SLC9B1: variants seen among roughly 807,000 people sequenced by gnomAD.
SLC9B1 encodes solute carrier family 9 member B1.
A neutral mutation model predicts 51.7 loss-of-function variants in SLC9B1; 32 were observed. The observed-to-expected ratio is 0.62, with a 90% CI of 0.47 to 0.83. SLC9B1 has a LOEUF of 0.83. Ranked by LOEUF, SLC9B1 falls within the 40% of genes least tolerant of loss-of-function variation. The pLI, the probability that SLC9B1 is intolerant of heterozygous loss-of-function variation, is 0.00. For missense variants in SLC9B1, 406 were observed against 613.2 expected, an observed-to-expected ratio of 0.66 and a Z score of 3.57; for synonymous variants, 145 against 212.7, an observed-to-expected ratio of 0.68 and a Z score of 2.77.
At chr4:102,998,723 C>T (rs1740358039) in intron 1 of SLC9B1, among the ~76,000 whole-genome samples, 1 of 152,010 alleles carries the variant, frequency 6.6e-6, no homozygotes, top group African/African-American at 2.4e-5. Flanking sequence ...TAATAGCCAT[C>T]CCAATAGGTG....
At chr4:102,894,117 G>A (rs186295044) in intron 11 of SLC9B1, among the ~76,000 whole-genome samples, 23 of 152,254 alleles carry the variant, frequency 1.5e-4, no homozygotes, top group Non-Finnish European at 3.1e-4. Context: ...AGAGAAAAAT[G>A]TGATTATATC....
chr4:102,997,929 T>C (rs568963043), intron 1 of SLC9B1, among the ~76,000 whole-genome samples: 77 of 152,350 alleles, frequency 5.1e-4, no homozygotes, highest in African/African-American at 1.8e-3. Context: ...ATTCTTGCTA[T>C]GATTCCTTTG....
intron 11 of SLC9B1, among the ~76,000 whole-genome samples, chr4:102,901,576 T>C (rs1182597946): frequency 6.6e-6 from 1 of 152,250 alleles, no homozygotes; most frequent in Non-Finnish European, 1.5e-5. Context: ...ACTCTTGTCC[T>C]CTCAGTGTTC....
chr4:102,972,717 A>C (rs896488104), intron 3 of SLC9B1, among the ~76,000 whole-genome samples: 1 of 152,146 alleles, frequency 6.6e-6, no homozygotes, highest in African/African-American at 2.4e-5. Context: ...CAACTCTATA[A>C]ATTTACCAAA....
intron 3 of SLC9B1, chr4:102,962,580 T>C (rs1738195467): frequency 6.3e-6 from 3 of 475,024 alleles, no homozygotes; most frequent in East Asian, 6.8e-5. Context: ...TTAATGAGTA[T>C]AGTCATTGAC....
intron 7 of SLC9B1, among the ~76,000 whole-genome samples, chr4:102,920,017 G>A (rs987437361): frequency 3.9e-5 from 6 of 152,336 alleles, no homozygotes; most frequent in South Asian, 2.1e-4. Context: ...AAACTTAAAC[G>A]TCCCTGTCTG....
At chr4:103,019,431 A>G (rs1741622772) in intron 1 of SLC9B1, among the ~76,000 whole-genome samples, 168 bp downstream of exon 1, 1 of 152,226 alleles carries the variant, frequency 6.6e-6, no homozygotes, top group Admixed American at 6.5e-5. Flanking sequence ...GAGGAGAGAC[A>G]ATGTCTGTGG....
intron 7 of SLC9B1, among the ~76,000 whole-genome samples, chr4:102,928,513 C>T (rs1736299840): frequency 6.6e-6 from 1 of 152,178 alleles, no homozygotes; most frequent in Admixed American, 6.5e-5. Flanking sequence ...TCTTCTGAGT[C>T]CTCCCAACTG....
chr4:103,016,482 C>A (rs1345385023), intron 1 of SLC9B1, among the ~76,000 whole-genome samples: 1 of 152,164 alleles, frequency 6.6e-6, no homozygotes, highest in Non-Finnish European at 1.5e-5. Context: ...TTTCTTGACA[C>A]CACATTTTCT....
chr4:103,014,299 A>G (rs1229950951), intron 1 of SLC9B1, among the ~76,000 whole-genome samples: 1 of 152,192 alleles, frequency 6.6e-6, no homozygotes, highest in Non-Finnish European at 1.5e-5. Flanking sequence ...TTTAGAAGTC[A>G]TTTCTTCCAG....
At chr4:102,916,164 A>T (rs1450146132) in intron 7 of SLC9B1, among the ~76,000 whole-genome samples, 1 of 152,220 alleles carries the variant, frequency 6.6e-6, no homozygotes, top group African/African-American at 2.4e-5. Flanking sequence ...AAATGGATTT[A>T]AAAAAATCTA....
chr4:102,943,162 AAAAT>A (rs1402275652), intron 6 of SLC9B1, among the ~76,000 whole-genome samples: 1 of 117,372 alleles, frequency 8.5e-6, no homozygotes, highest in African/African-American at 3.1e-5. Flanking sequence ...CATAATCAAA[AAAAT>A]AAAAAAAAAA....
intron 10 of SLC9B1, among the ~76,000 whole-genome samples, chr4:102,906,063 G>A (rs1470369692): frequency 6.6e-6 from 1 of 152,086 alleles, no homozygotes; most frequent in Non-Finnish European, 1.5e-5. Flanking sequence ...AGCCTCCCGA[G>A]TAGCTGGGAT....
At chr4:102,997,529 T>C (rs1411512393) in intron 1 of SLC9B1, among the ~76,000 whole-genome samples, 1 of 152,216 alleles carries the variant, frequency 6.6e-6, no homozygotes, top group African/African-American at 2.4e-5. Flanking sequence ...GTATCAGGCC[T>C]TGATAAATTC....
intron 1 of SLC9B1, among the ~76,000 whole-genome samples, chr4:103,002,934 T>C (rs1275682098): frequency 6.6e-6 from 1 of 152,252 alleles, no homozygotes; most frequent in African/African-American, 2.4e-5. Flanking sequence ...AGCAGTTTAT[T>C]CACTAACATT....
chr4:103,012,504 T>C (rs1560532168), intron 1 of SLC9B1, among the ~76,000 whole-genome samples: 1 of 152,210 alleles, frequency 6.6e-6, no homozygotes, highest in Non-Finnish European at 1.5e-5. Flanking sequence ...TTCATGGTAA[T>C]CTAGACTTTT....
chr4:102,982,368 T>G (rs935509238), intron 3 of SLC9B1, among the ~76,000 whole-genome samples: 1 of 152,122 alleles, frequency 6.6e-6, no homozygotes, highest in Non-Finnish European at 1.5e-5. Context: ...TCTCTTTCAA[T>G]GTCGAGTTGG....
downstream of SLC9B1, chr4:102,897,867 A>G: frequency 2.7e-6 from 1 of 371,864 alleles, no homozygotes. Context: ...ACCATTTCAC[A>G]GTATAAATAT....
intron 3 of SLC9B1, chr4:102,962,055 G>A: frequency 3.0e-6 from 1 of 331,484 alleles, no homozygotes; most frequent in South Asian, 2.5e-5. Flanking sequence ...CTCAGCCCCT[G>A]GCATCCAGCC....
Sources: gnomAD v4.1 joint callset for allele counts (sites outside exome capture counted in the v4.1 genomes callset) on GRCh38, gnomAD v4.1.1 for gene constraint, MANE v1.5 for transcripts, NCBI Gene and HGNC (gene_info 2026-07-23, HGNC 2026-07-21) for gene names.